Variants in ADH1B observed in about 807,000 individuals in gnomAD.
The protein encoded by ADH1B is alcohol dehydrogenase 1B (class I), beta polypeptide.
In ADH1B, 29 loss-of-function variants were observed where a neutral mutation model predicts 34.6. The ratio of observed to expected loss-of-function variants is 0.84; its 90% CI spans 0.62 to 1.14. The LOEUF is 1.14. ADH1B is among the 50% of genes most tolerant of loss of function. The pLI is 0.00. For synonymous variants in ADH1B, 170 were observed against 175.5 expected, an observed-to-expected ratio of 0.97 and a Z score of 0.25; for missense variants, 424 against 468.4, an observed-to-expected ratio of 0.91 and a Z score of 0.87.
intron 8 of ADH1B, among the ~76,000 whole-genome samples, chr4:99,309,917 G>T (rs766698014): frequency 1.3e-5 from 2 of 152,070 alleles, no homozygotes; most frequent in Non-Finnish European, 2.9e-5. Flanking sequence ...CAAGAATGTT[G>T]TCGGTTAAAG....
In ADH1B at chr4:99,305,143, T is replaced by C. The variant is rs984191597; in HGVS notation, c.*2697A>G. 3.3e-5 allele frequency: 5 copies of C among 152,092 alleles called. No homozygotes were observed. Among genetic ancestry groups the C allele is most frequent in the African/African-American group, 1.2e-4 (5 of 41,408 alleles). 9.4% of individuals were successfully genotyped at this position (152,092 alleles called of 1,614,324 possible). On this transcript the variant is annotated 3_prime_UTR_variant, in exon 9 of 9. Coordinates refer to ENST00000305046, the MANE Select transcript of ADH1B (RefSeq NM_000668.6). ...GCACCAGGATTTTAGAAATATCTTT[T>C]TTTTTGGTCAATCATATATGACCCA...
At chr4:99,319,487 T>G (rs1733968958) in intron 1 of ADH1B, 1 of 161,102 alleles carries the variant, frequency 6.2e-6, no homozygotes, top group Non-Finnish European at 1.4e-5. Context: ...CAGCCTGTTT[T>G]GTAATCTAAT....
intron 1 of ADH1B, 149 bp from the exon 2 acceptor site, chr4:99,319,035 G>A (rs1733957222): frequency 2.3e-6 from 2 of 869,130 alleles, no homozygotes; most frequent in Non-Finnish European, 4.0e-6. Context: ...GGTTTATAAA[G>A]AGAATAAAAG....
chr4:99,313,241 C>T (rs1158010639), intron 6 of ADH1B, among the ~76,000 whole-genome samples: 1 of 151,994 alleles, frequency 6.6e-6, no homozygotes, highest in Non-Finnish European at 1.5e-5. Flanking sequence ...TCAAAGTATT[C>T]AGTCCAACTA....
At chr4:99,309,695 A>G (rs1733701086) in intron 8 of ADH1B, among the ~76,000 whole-genome samples, 1 of 152,158 alleles carries the variant, frequency 6.6e-6, no homozygotes, top group Admixed American at 6.6e-5. Flanking sequence ...TCGATTTGCT[A>G]AAAACAAGAT....
At chr4:99,311,705 C>T in intron 6 of ADH1B, 49 bp from the exon 7 acceptor site, 1 of 1,603,936 alleles carries the variant, frequency 6.2e-7, no homozygotes, top group Non-Finnish European at 8.5e-7. Context: ...TCGCATAGTT[C>T]CTACTCATAA....
intron 2 of ADH1B, 128 bp downstream of exon 2, chr4:99,318,657 A>T (rs1318823706): frequency 1.1e-6 from 1 of 917,360 alleles, no homozygotes; most frequent in African/African-American, 1.7e-5. Context: ...CCTTGACAAC[A>T]AATGTAATTT....
intron 1 of ADH1B, chr4:99,320,923 A>G (rs1166536920): frequency 7.9e-7 from 1 of 1,263,528 alleles, no homozygotes; most frequent in African/African-American, 1.5e-5. Flanking sequence ...TCCTGTGTTC[A>G]TAAAAAATTT....
rs1560524453 is a variant in ADH1B at position 99,305,558 on chromosome 4, AGTGT to A, written c.*2278_*2281del. On this transcript the variant is annotated 3_prime_UTR_variant, in exon 9 of 9. Transcript: ENST00000305046. ...TAACTATATGAACCACTTGCCCCAT[AGTGT>A]ATATATATATATATATATATATATA... The A allele has an allele frequency of 1.9e-5, 1 of 52,644 alleles. No individual in the cohort carries two copies. Among genetic ancestry groups the A allele is most frequent in the Non-Finnish European group, 3.6e-5 (1 of 27,848 alleles). 3.3% of individuals were successfully genotyped at this position (52,644 alleles called of 1,614,324 possible). A position where few individuals can be genotyped will look rare whatever the true frequency, so the allele number is the denominator to read the frequency against.
chr4:99,308,607 T>G (rs1335441154), intron 8 of ADH1B, among the ~76,000 whole-genome samples: 1 of 152,042 alleles, frequency 6.6e-6, no homozygotes, highest in African/African-American at 2.4e-5. Flanking sequence ...CTAATGCCCT[T>G]TCTATAAACC....
chr4:99,307,963 G>C (rs1579506869), intron 8 of ADH1B, 99 bp from the exon 9 acceptor site: 2 of 1,487,314 alleles, frequency 1.3e-6, no homozygotes, highest in Non-Finnish European at 1.9e-6. Flanking sequence ...GTGAAAATCT[G>C]TCTGTGATCC....
chr4:99,317,922 G>A, intron 3 of ADH1B, 124 bp downstream of exon 3: 1 of 1,498,646 alleles, frequency 6.7e-7, no homozygotes, highest in African/African-American at 1.4e-5. Context: ...GGAAACTCCT[G>A]AAGTCCTGGC....
At chr4:99,312,943 A>T (rs1168061570) in intron 6 of ADH1B, among the ~76,000 whole-genome samples, 1 of 152,202 alleles carries the variant, frequency 6.6e-6, no homozygotes, top group East Asian at 1.9e-4. Context: ...GCGTTGTCTC[A>T]TGTAATCTAT....
chr4:99,318,495 A>T, intron 2 of ADH1B: 1 of 508,160 alleles, frequency 2.0e-6, no homozygotes, highest in Non-Finnish European at 3.4e-6. Context: ...ACACATGGAA[A>T]ATATCTAATA....
intron 8 of ADH1B, 100 bp downstream of exon 8, chr4:99,310,665 G>A (rs1733726247): frequency 4.8e-6 from 7 of 1,466,034 alleles, no homozygotes; most frequent in South Asian, 1.4e-5. Flanking sequence ...GAAAACCAAG[G>A]GACTCTATAT....
Position 99,307,751 on chromosome 4 carries a change from T to A in ADH1B, c.*89A>T. The A allele has an allele frequency of 6.8e-7, 1 of 1,461,724 alleles. No individual in the cohort carries two copies. 90.5% of individuals were successfully genotyped at this position (1,461,724 alleles called of 1,614,324 possible). A position where few individuals can be genotyped will look rare whatever the true frequency, so the allele number is the denominator to read the frequency against. On this transcript the variant is annotated 3_prime_UTR_variant, in exon 9 of 9. Transcript: ENST00000305046. ...TTTATTGATAACATCTCTGAAGAGC[T>A]GAATTAATGATATTTCCTAGCTGTT...
At chr4:99,316,595 C>G (rs1367450531) in intron 3 of ADH1B, 2 of 256,860 alleles carry the variant, frequency 7.8e-6, no homozygotes, top group Non-Finnish European at 1.5e-5. Flanking sequence ...ACTGATTTCT[C>G]CTGGAGGCTT....
At chr4:99,311,970 G>C (rs549694265) in intron 6 of ADH1B, among the ~76,000 whole-genome samples, 1 of 152,160 alleles carries the variant, frequency 6.6e-6, no homozygotes. Context: ...TTATATCACC[G>C]AAATTTGTCT....
intron 3 of ADH1B, chr4:99,316,931 CACT>C (rs1282603029): frequency 4.0e-5 from 6 of 150,470 alleles, no homozygotes; most frequent in Non-Finnish European, 7.4e-5. Context: ...ACAAGTTAGG[CACT>C]TTCTTTTAGG....
Sources: allele counts gnomAD v4.1 joint callset (sites outside exome capture counted in the v4.1 genomes callset), GRCh38; gene constraint gnomAD v4.1.1; transcripts MANE v1.5; gene names NCBI Gene and HGNC (gene_info 2026-07-23, HGNC 2026-07-21).